Variants in GOLGA4 observed in about 807,000 individuals in gnomAD.
The protein encoded by GOLGA4 is golgin A4, also known as golgin subfamily A member 4.
A neutral mutation model predicts 265.9 loss-of-function variants in GOLGA4; 169 were observed. The ratio of observed to expected loss-of-function variants is 0.64; its 90% CI spans 0.56 to 0.72. The LOEUF (loss-of-function observed/expected upper bound fraction) is 0.72, where lower values mean the gene tolerates loss of function less well. GOLGA4 is among the 30% of genes least tolerant of loss of function. GOLGA4 has a pLI of 0.00. For missense variants in GOLGA4, 2,482 were observed against 2,483.4 expected (o/e 1.00, Z 0.01); for synonymous variants, 923 against 855.8 (o/e 1.08, Z -1.37).
intron 3 of GOLGA4, among the ~76,000 whole-genome samples, chr3:37,283,348 T>G (rs1194517274): frequency 2.0e-5 from 3 of 152,182 alleles, no homozygotes; most frequent in Non-Finnish European, 4.4e-5. Context: ...ATCAAGCACC[T>G]TTTTCCTTTA....
chr3:37,305,557 A>G (rs2096903944), intron 10 of GOLGA4, among the ~76,000 whole-genome samples: 1 of 152,228 alleles, frequency 6.6e-6, no homozygotes, highest in South Asian at 2.1e-4. Flanking sequence ...GTCAATGTAA[A>G]GGAAGTAGGA....
chr3:37,327,443 G>C lies in GOLGA4; in HGVS notation c.5557G>C (p.Glu1853Gln). ...QEKELTCQILEQKIKELDSCL... is the reference protein window; with the variant it reads ...QEKELTCQILQQKIKELDSCL... Reference sequence around the variant, plus strand: ...GAAGGAACTAACCTGTCAGATTTTGGAGCAAAAGATAAAAGAGCTGGATTC... The same window carrying C: ...GAAGGAACTAACCTGTCAGATTTTGCAGCAAAAGATAAAAGAGCTGGATTC... Residue 1853 changes from glutamate (E) to glutamine (Q), a missense_variant, in exon 14 of 24, where the codon GAG becomes CAG. Glu to Gln is a conservative substitution (Grantham distance 29, BLOSUM62 2). This residue lies in a region of GOLGA4 where 942 missense variants were observed against 983.1 expected (regional missense o/e 0.96). Coordinates refer to ENST00000361924, the MANE Select transcript of GOLGA4 (RefSeq NM_002078.5). 1.2e-6 allele frequency: 2 copies of C among 1,612,960 alleles called. No individual in the cohort carries two copies. Among genetic ancestry groups the C allele is most frequent in the Non-Finnish European group, 1.7e-6 (2 of 1,179,640 alleles).
intron 2 of GOLGA4, among the ~76,000 whole-genome samples, chr3:37,261,286 G>A (rs1304061512): frequency 1.3e-5 from 2 of 152,154 alleles, no homozygotes; most frequent in Non-Finnish European, 2.9e-5. Context: ...GTCAAATCAT[G>A]CTGTGATTTG....
intron 22 of GOLGA4, among the ~76,000 whole-genome samples, chr3:37,356,638 A>G (rs976174853): frequency 6.6e-6 from 1 of 152,274 alleles, no homozygotes; most frequent in South Asian, 2.1e-4. Context: ...CTAATTCTAC[A>G]AGCATGAAAT....
Position 37,337,287 on chromosome 3 carries a change from C to T in GOLGA4, c.6327+124C>T, listed in dbSNP as rs116669124. ...CAATCTTGGCTCACTGCAACCTCTG[C>T]CTCCTGAGTTCAGGTATTCTCATGC... is the stretch of plus-strand genomic sequence containing the variant. On this transcript the variant is annotated intron_variant, in intron 18 of 23. Coordinates refer to ENST00000361924, the MANE Select transcript of GOLGA4 (RefSeq NM_002078.5). The T allele has an allele frequency of 4.1e-3, 2,630 of 637,134 alleles. 58 individuals carry two copies. The African/African-American group carries it at 0.043, about 10-fold the overall frequency. The allele number at this position is 637,134 out of a possible 1,614,324, so 39.5% of individuals were successfully genotyped here.
In GOLGA4 at chr3:37,243,612, C is replaced by T. The variant is rs1469287259; in HGVS notation, c.62C>T (p.Ala21Val). ...CAGCAGCAGCTCCAGCAGGCGCTGG[C>T]TCCTGCTCAGGTACGATGGCCGCCG... ...EEQQQLQQAL[A>V]PAQASSNSST... Residue 21 changes from alanine (A) to valine (V), a missense_variant, in exon 1 of 24, where the codon GCT becomes GTT. By Grantham distance (64) the Ala-to-Val change is moderately conservative. Around this residue, in one of 3 missense-constraint regions of GOLGA4, gnomAD observed 1,536 missense variants for 1,483.7 expected, o/e 1.04. Transcript: ENST00000361924. 1.9e-6 allele frequency: 3 copies of T among 1,612,606 alleles called. No individual in the cohort carries two copies. Among genetic ancestry groups the T allele is most frequent in the Admixed American group, 3.3e-5 (2 of 60,014 alleles).
At chr3:37,309,123 G>A (rs1254177525) in intron 10 of GOLGA4, among the ~76,000 whole-genome samples, 2 of 151,452 alleles carry the variant, frequency 1.3e-5, no homozygotes, top group East Asian at 2.0e-4. Context: ...ATGGTGGCGC[G>A]TGCTTGTAGT....
intron 17 of GOLGA4, among the ~76,000 whole-genome samples, chr3:37,336,329 G>A (rs1374727026): frequency 6.6e-6 from 1 of 151,892 alleles, no homozygotes. Flanking sequence ...TAACATGAGC[G>A]TTTCCTTAGT....
Position 37,243,354 on chromosome 3 carries a change from A to G in GOLGA4, c.-197A>G. 1.7e-6 allele frequency: 1 copy of G among 578,610 alleles called. No individual in the cohort carries two copies. Among genetic ancestry groups the G allele is most frequent in the East Asian group, 3.2e-5 (1 of 31,590 alleles). The allele number at this position is 578,610 out of a possible 1,614,324, so 35.8% of individuals were successfully genotyped here. A position where few individuals can be genotyped will look rare whatever the true frequency, so the allele number is the denominator to read the frequency against. On this transcript the variant is annotated 5_prime_UTR_variant, in exon 1 of 24. Coordinates refer to ENST00000361924, the MANE Select transcript of GOLGA4 (RefSeq NM_002078.5). ...AGGCCAGCCAGTGGCACCCGGAAGA[A>G]AGAGACGCGGCGGCGGCGACGCCGA...
chr3:37,262,024 CAG>C (rs2096771033), intron 2 of GOLGA4, among the ~76,000 whole-genome samples: 1 of 152,108 alleles, frequency 6.6e-6, no homozygotes. Context: ...CCAGTAAAAA[CAG>C]AGATTAAGAC....
rs546394833 is a variant in GOLGA4, at chr3:37,295,672, G to A, written c.682-415G>A. Among the ~76,000 whole-genome samples, 219 of 152,134 alleles carry A rather than the reference G, an allele frequency of 1.4e-3. 2 individuals are homozygous for A. Among genetic ancestry groups the A allele is most frequent in the African/African-American group, 4.9e-3 (205 of 41,508 alleles). On this transcript the variant is annotated intron_variant, in intron 6 of 23. Coordinates refer to ENST00000361924, the MANE Select transcript of GOLGA4 (RefSeq NM_002078.5). Reference sequence around the variant, plus strand: ...TAGTAAGAAGAATATCATTTAATCCGTCCTCTCTCTGTTTTAAATAAAGTA... The same window carrying A: ...TAGTAAGAAGAATATCATTTAATCCATCCTCTCTCTGTTTTAAATAAAGTA...
In GOLGA4 at chr3:37,326,035, T is replaced by A; in HGVS notation, c.4149T>A (p.Leu1383=). The A allele has an allele frequency of 6.2e-7, 1 of 1,613,448 alleles. No individual in the cohort carries two copies. Among genetic ancestry groups the A allele is most frequent in the Non-Finnish European group, 8.5e-7 (1 of 1,179,544 alleles). The change falls in exon 14 of 24, where the codon CTT becomes CTA. Residue 1383 remains leucine (L), a synonymous_variant. Coordinates refer to ENST00000361924, the MANE Select transcript of GOLGA4 (RefSeq NM_002078.5). ...SKQLTDLNVQ[L]QNSISLSEKE... is the part of the protein sequence containing the mutation. ...AACTAACTGATTTGAATGTTCAGCT[T>A]CAAAATAGCATCAGCCTATCCGAAA...
intron 10 of GOLGA4, among the ~76,000 whole-genome samples, chr3:37,311,007 C>T (rs1307849616): frequency 9.2e-5 from 14 of 152,104 alleles, no homozygotes; most frequent in Non-Finnish European, 2.9e-5. Context: ...TTAGTACTTA[C>T]ATTAAAATCC....
At chr3:37,343,756 G>T (rs1047407488) in intron 20 of GOLGA4, among the ~76,000 whole-genome samples, 3 of 152,138 alleles carry the variant, frequency 2.0e-5, no homozygotes, top group Non-Finnish European at 4.4e-5. Flanking sequence ...AGCAGAGTTA[G>T]GTTTGATTAG....
intron 7 of GOLGA4, among the ~76,000 whole-genome samples, chr3:37,296,515 G>A (rs1001680392): frequency 1.3e-5 from 2 of 152,132 alleles, no homozygotes; most frequent in Non-Finnish European, 2.9e-5. Flanking sequence ...AAAGATGCAA[G>A]GGTTTGTTTT....
chr3:37,244,793 A>G, intron 1 of GOLGA4, among the ~76,000 whole-genome samples: 1 of 152,250 alleles, frequency 6.6e-6, no homozygotes, highest in East Asian at 1.9e-4. Flanking sequence ...TTCTTTTCTC[A>G]AGTGCAAATG....
At chr3:37,322,659 C>A (rs1421152651) in intron 13 of GOLGA4, among the ~76,000 whole-genome samples, 1 of 152,064 alleles carries the variant, frequency 6.6e-6, no homozygotes, top group Non-Finnish European at 1.5e-5. Context: ...ACTTTAATTT[C>A]GTCACCTGTC....
chr3:37,346,182 T>C (rs2097055684), intron 20 of GOLGA4, among the ~76,000 whole-genome samples: 1 of 152,152 alleles, frequency 6.6e-6, no homozygotes, highest in Non-Finnish European at 1.5e-5. Flanking sequence ...TAAAAAAATA[T>C]TCCAAATGTG....
intron 3 of GOLGA4, among the ~76,000 whole-genome samples, chr3:37,283,739 C>T (rs575250179): frequency 6.6e-6 from 1 of 152,106 alleles, no homozygotes; most frequent in Non-Finnish European, 1.5e-5. Flanking sequence ...GTTGCCCAGC[C>T]TGGTCTTGAA....
Sources: gnomAD v4.1 joint callset for allele counts (sites outside exome capture counted in the v4.1 genomes callset) on GRCh38, gnomAD v4.1.1 for gene constraint, gnomAD v4.1.1 regional missense constraint, MANE v1.5 for transcripts, NCBI Gene and HGNC (gene_info 2026-07-23, HGNC 2026-07-21) for gene names.